PTPRM: variants seen among roughly 807,000 people sequenced by gnomAD.
The protein encoded by PTPRM is receptor-type tyrosine-protein phosphatase mu.
PTPRM carries 47 observed loss-of-function variants against 186.7 expected under a neutral mutation model. The ratio of observed to expected loss-of-function variants is 0.25; its 90% CI spans 0.20 to 0.32. The LOEUF (loss-of-function observed/expected upper bound fraction) is 0.32, where lower values mean the gene tolerates loss of function less well. PTPRM is among the 10% of genes least tolerant of loss of function. The probability of loss-of-function intolerance (pLI) is 1.00; values close to 1 mark genes in which losing one functional copy is unlikely to be tolerated. For missense variants in PTPRM, 1,494 were observed against 1,865.0 expected (o/e 0.80, Z 3.66); for synonymous variants, 668 against 674.9 (o/e 0.99, Z 0.16).
chr18:7,916,897 A>C (rs2146679135), intron 4 of PTPRM, among the ~76,000 whole-genome samples: 1 of 152,300 alleles, frequency 6.6e-6, no homozygotes, highest in East Asian at 1.9e-4. Context: ...CTTTATTAAT[A>C]CTTATATCTA....
At chr18:8,240,618 GGAGAGAGAGAGAGA>G (rs372227037) in intron 14 of PTPRM, among the ~76,000 whole-genome samples, 5 of 34,824 alleles carry the variant, frequency 1.4e-4, no homozygotes, top group East Asian at 7.8e-4. Context: ...AGAGAGGGAG[GGAGAGAGAGAGAGA>G]GAGAGAGAGA....
chr18:8,106,554 A>G (rs1600603054), intron 11 of PTPRM, among the ~76,000 whole-genome samples: 1 of 152,224 alleles, frequency 6.6e-6, no homozygotes, highest in South Asian at 2.1e-4. Flanking sequence ...GTAGTTCTTC[A>G]TTGGTGTGAT....
chr18:7,784,436 TC>T (rs1184681284), intron 2 of PTPRM, among the ~76,000 whole-genome samples: 2 of 152,134 alleles, frequency 1.3e-5, no homozygotes, highest in African/African-American at 4.8e-5. Context: ...ATGTAATAGT[TC>T]CTGGAATACC....
chr18:7,863,866 T>TGA (rs1304282361), intron 2 of PTPRM, among the ~76,000 whole-genome samples: 1 of 152,158 alleles, frequency 6.6e-6, no homozygotes, highest in African/African-American at 2.4e-5. Flanking sequence ...CATCTATTGT[T>TGA]TCCTGAGTTT....
At chr18:7,594,446 C>CAA (rs1325210477) in intron 1 of PTPRM, among the ~76,000 whole-genome samples, 1 of 151,848 alleles carries the variant, frequency 6.6e-6, no homozygotes, top group African/African-American at 2.4e-5. Context: ...TGCCATTGCA[C>CAA]TCTAGCCCAG....
intron 20 of PTPRM, among the ~76,000 whole-genome samples, chr18:8,308,382 C>G (rs994812253): frequency 6.6e-6 from 1 of 152,040 alleles, no homozygotes; most frequent in African/African-American, 2.4e-5. Context: ...AGCACATGGT[C>G]CAATAGAAAG....
intron 1 of PTPRM, among the ~76,000 whole-genome samples, chr18:7,761,288 T>C (rs2144753345): frequency 6.6e-6 from 1 of 152,264 alleles, no homozygotes; most frequent in South Asian, 2.1e-4. Flanking sequence ...ATGGCCTGAG[T>C]ATTGAAACTT....
intron 29 of PTPRM, among the ~76,000 whole-genome samples, chr18:8,384,261 C>G (rs1462392968): frequency 1.3e-5 from 2 of 152,132 alleles, no homozygotes; most frequent in Non-Finnish European, 2.9e-5. Context: ...GCTTCAAGAC[C>G]AGCCTGGGCA....
chr18:8,172,713 A>T (rs986805850), intron 14 of PTPRM, among the ~76,000 whole-genome samples: 6 of 152,126 alleles, frequency 3.9e-5, no homozygotes, highest in Non-Finnish European at 5.9e-5. Context: ...AAAAAAAGAA[A>T]AAAAAAACTT....
At chr18:8,068,807 T>G (rs2089264613) in intron 7 of PTPRM, among the ~76,000 whole-genome samples, 1 of 152,184 alleles carries the variant, frequency 6.6e-6, no homozygotes, top group African/African-American at 2.4e-5. Flanking sequence ...GTATTAAGAT[T>G]GGTTTATTTT....
intron 2 of PTPRM, among the ~76,000 whole-genome samples, chr18:7,882,222 C>A (rs73941023): frequency 0.027 from 4,178 of 152,050 alleles, 189 homozygotes; most frequent in African/African-American, 0.096. Context: ...AAATCTGGGG[C>A]TACCATGTTG....
rs112054582 is a variant in PTPRM at position 7,888,853 on chromosome 18, G to A, written c.468+476G>A. 2.3e-3 allele frequency among the ~76,000 whole-genome samples: 357 copies of A among 152,212 alleles called. 3 individuals carry two copies. The highest frequency in any genetic ancestry group is 8.1e-3 in the African/African-American group (337 of 41,528). On this transcript the variant is annotated intron_variant, in intron 3 of 32. Transcript: ENST00000580170. ...GCAACTGGAAGCCATTATCCCAAGC[G>A]AATTAATGCAAAAACAGAAAACCAA...
At chr18:7,807,026 C>T (rs2044270933) in intron 2 of PTPRM, among the ~76,000 whole-genome samples, 2 of 152,180 alleles carry the variant, frequency 1.3e-5, no homozygotes, top group East Asian at 1.9e-4. Flanking sequence ...ATCTGTGGCA[C>T]CTGGGCAGTG....
chr18:7,704,535 T>C (rs1489341120), intron 1 of PTPRM, among the ~76,000 whole-genome samples: 1 of 152,186 alleles, frequency 6.6e-6, no homozygotes, highest in Non-Finnish European at 1.5e-5. Context: ...TTATCATTTT[T>C]TATTGTGTCT....
At chr18:8,244,034 C>T (rs367841458) in intron 14 of PTPRM, 24 bp from the exon 15 acceptor site, 1 of 1,599,552 alleles carries the variant, frequency 6.3e-7, no homozygotes, top group South Asian at 1.1e-5. Flanking sequence ...TGCATGCCTA[C>T]ATAATTGAAT....
At chr18:7,609,431 G>T (rs1215934854) in intron 1 of PTPRM, among the ~76,000 whole-genome samples, 1 of 152,082 alleles carries the variant, frequency 6.6e-6, no homozygotes, top group East Asian at 1.9e-4. Flanking sequence ...TGGTGCTTTG[G>T]GGCGCCATTT....
chr18:7,752,683 TC>T (rs2041276776), intron 1 of PTPRM, among the ~76,000 whole-genome samples: 2 of 152,134 alleles, frequency 1.3e-5, no homozygotes, highest in South Asian at 4.2e-4. Flanking sequence ...CCTCAGGTGA[TC>T]CGCCTACCTC....
At chr18:8,334,982 C>T (rs899420163) in intron 22 of PTPRM, among the ~76,000 whole-genome samples, 1 of 152,182 alleles carries the variant, frequency 6.6e-6, no homozygotes, top group East Asian at 1.9e-4. Flanking sequence ...AGGTGCCCCC[C>T]GTAGAGTCCG....
chr18:7,802,131 C>T (rs563166670), intron 2 of PTPRM, among the ~76,000 whole-genome samples: 2 of 152,136 alleles, frequency 1.3e-5, no homozygotes, highest in Non-Finnish European at 2.9e-5. Flanking sequence ...CCGACCTTTT[C>T]CAGTTTGCCG....
Sources: gnomAD v4.1 joint callset for allele counts (sites outside exome capture counted in the v4.1 genomes callset) on GRCh38, gnomAD v4.1.1 for gene constraint, MANE v1.5 for transcripts, NCBI Gene and HGNC (gene_info 2026-07-23, HGNC 2026-07-21) for gene names.